The following ZCWPW2 variants were observed in gnomAD, a reference collection of about 807,000 sequenced individuals.
The protein encoded by ZCWPW2 is zinc finger CW-type PWWP domain protein 2.
A neutral mutation model predicts 46.6 loss-of-function variants in ZCWPW2; 45 were observed. The observed-to-expected ratio is 0.96, with a 90% CI of 0.76 to 1.24. The LOEUF (loss-of-function observed/expected upper bound fraction) is 1.24. Among genes scored for constraint, ZCWPW2 ranks in the 50% most tolerant of loss-of-function variants. The pLI, the probability that ZCWPW2 is intolerant of heterozygous loss-of-function variation, is 0.00. For missense variants in ZCWPW2, 429 were observed against 403.9 expected, an observed-to-expected ratio of 1.06 and a Z score of -0.53; for synonymous variants, 152 against 137.1, an observed-to-expected ratio of 1.11 and a Z score of -0.76.
chr3:28,521,095 G>A lies in ZCWPW2; in HGVS notation c.888G>A (p.Glu296=), dbSNP rs1475104945. The A allele has an allele frequency of 3.1e-6, 5 of 1,603,304 alleles. No individual in the cohort carries two copies. In the African/African-American group the frequency reaches 4.0e-5, roughly 13 times the overall value. The change falls in exon 9 of 10, where the codon GAG becomes GAA. Residue 296 remains glutamate, a synonymous_variant. Coordinates refer to ENST00000383768, the MANE Select transcript of ZCWPW2 (RefSeq NM_001040432.4). Reference sequence around the variant, plus strand: ...ATGAATCAGAAGAAGGACATGGAGAGGAAATAAATATGGGAGAAAAGGTAA... The same window carrying A: ...ATGAATCAGAAGAAGGACATGGAGAAGAAATAAATATGGGAGAAAAGGTAA... ...TPDESEEGHG[E]EINMGEKLSK...
intron 9 of ZCWPW2, among the ~76,000 whole-genome samples, chr3:28,522,976 C>T (rs1042113194): frequency 2.0e-5 from 3 of 152,088 alleles, no homozygotes; most frequent in Non-Finnish European, 4.4e-5. Flanking sequence ...ATCTTTATAG[C>T]GATGTCCTGG....
chr3:28,469,363 T>C (rs1469726378), intron 4 of ZCWPW2, among the ~76,000 whole-genome samples: 1 of 152,142 alleles, frequency 6.6e-6, no homozygotes, highest in African/African-American at 2.4e-5. Context: ...AGTAAGTCCT[T>C]TCTTATCGAT....
chr3:28,387,925 A>G (rs1004265160), intron 1 of ZCWPW2, among the ~76,000 whole-genome samples: 6 of 152,286 alleles, frequency 3.9e-5, no homozygotes, highest in African/African-American at 1.4e-4. Flanking sequence ...TCAGGGTTCT[A>G]CAGAGAAACA....
intron 4 of ZCWPW2, among the ~76,000 whole-genome samples, chr3:28,464,652 A>G (rs1188835993): frequency 1.3e-5 from 2 of 152,196 alleles, no homozygotes; most frequent in Non-Finnish European, 2.9e-5. Context: ...GACTCAGAAC[A>G]TAGTGGGGGA....
At chr3:28,471,367 C>T (rs904174390) in intron 4 of ZCWPW2, among the ~76,000 whole-genome samples, 8 of 152,072 alleles carry the variant, frequency 5.3e-5, no homozygotes, top group Admixed American at 5.2e-4. Flanking sequence ...AAAATACTAG[C>T]AAATATAATT....
chr3:28,361,575 AAC>A (rs1704946334), intron 1 of ZCWPW2, among the ~76,000 whole-genome samples: 1 of 152,158 alleles, frequency 6.6e-6, no homozygotes, highest in Non-Finnish European at 1.5e-5. Context: ...CAGCAAAAGA[AAC>A]AACAGAGTGA....
chr3:28,468,290 A>AT (rs982310820), intron 4 of ZCWPW2, among the ~76,000 whole-genome samples: 10 of 152,096 alleles, frequency 6.6e-5, no homozygotes, highest in Admixed American at 3.3e-4. Flanking sequence ...AGAAAAAAAA[A>AT]GAACGAAGCA....
chr3:28,371,968 TTTC>T (rs1705348266), intron 1 of ZCWPW2, among the ~76,000 whole-genome samples: 1 of 143,954 alleles, frequency 6.9e-6, no homozygotes, highest in South Asian at 2.2e-4. Flanking sequence ...TTCCTTCTTC[TTTC>T]CTCCTCCTCC....
intron 2 of ZCWPW2, among the ~76,000 whole-genome samples, chr3:28,405,164 T>A (rs1393865389): frequency 3.9e-5 from 6 of 152,240 alleles, no homozygotes; most frequent in Admixed American, 1.3e-4. Flanking sequence ...TTCCTAAGTC[T>A]CTTTTCAATT....
chr3:28,441,970 G>T (rs1443712586), intron 4 of ZCWPW2, among the ~76,000 whole-genome samples: 2 of 152,188 alleles, frequency 1.3e-5, no homozygotes, highest in African/African-American at 4.8e-5. Context: ...ATTTGGGCCT[G>T]CCAAAGGCTC....
chr3:28,494,748 A>G (rs540813442), intron 6 of ZCWPW2, among the ~76,000 whole-genome samples: 20 of 141,590 alleles, frequency 1.4e-4, no homozygotes, highest in African/African-American at 4.8e-4. Flanking sequence ...TACAAAATCA[A>G]TGTACAAAAA....
At chr3:28,470,825 T>A (rs994612706) in intron 4 of ZCWPW2, among the ~76,000 whole-genome samples, 49 of 151,956 alleles carry the variant, frequency 3.2e-4, no homozygotes, top group African/African-American at 1.1e-3. Context: ...AAACAATTTT[T>A]TTTGAAAAGC....
At chr3:28,467,619 C>A (rs536131373) in intron 4 of ZCWPW2, among the ~76,000 whole-genome samples, 3 of 152,216 alleles carry the variant, frequency 2.0e-5, no homozygotes, top group African/African-American at 4.8e-5. Flanking sequence ...TGTCACCTCA[C>A]CCCCAGCCCC....
chr3:28,383,657 A>T, intron 1 of ZCWPW2, among the ~76,000 whole-genome samples: 1 of 152,002 alleles, frequency 6.6e-6, no homozygotes, highest in Non-Finnish European at 1.5e-5. Context: ...TTAAGTCAAG[A>T]CATTCTAAAT....
In ZCWPW2 at chr3:28,423,924, A is replaced by C. The variant is rs141649094; in HGVS notation, c.332+10524A>C. Among the ~76,000 whole-genome samples, 416 of 151,766 alleles carry C rather than the reference A, an allele frequency of 2.7e-3. 9 individuals carry two copies. In the South Asian group the frequency reaches 0.042, roughly 15 times the overall value. On this transcript the variant is annotated intron_variant, in intron 3 of 9. Coordinates refer to ENST00000383768, the MANE Select transcript of ZCWPW2 (RefSeq NM_001040432.4). Reference sequence around the variant, plus strand: ...TAGTAGTTTGTGCCCATTTGCTCCTATTTTGGTGTTCATGTGGGTAGCTTA... The same window carrying C: ...TAGTAGTTTGTGCCCATTTGCTCCTCTTTTGGTGTTCATGTGGGTAGCTTA...
chr3:28,353,234 T>C (rs1704621224), intron 1 of ZCWPW2, among the ~76,000 whole-genome samples: 3 of 152,202 alleles, frequency 2.0e-5, no homozygotes, highest in Non-Finnish European at 4.4e-5. Flanking sequence ...ATTTGTTATA[T>C]GTTTAATACT....
At chr3:28,452,462 A>G (rs1202947935) in intron 4 of ZCWPW2, among the ~76,000 whole-genome samples, 2 of 151,862 alleles carry the variant, frequency 1.3e-5, no homozygotes, top group African/African-American at 4.8e-5. Flanking sequence ...TGCCTGGCTA[A>G]TTTTTGTAGT....
chr3:28,437,207 A>G (rs1402932734), intron 4 of ZCWPW2, among the ~76,000 whole-genome samples: 1 of 152,236 alleles, frequency 6.6e-6, no homozygotes, highest in African/African-American at 2.4e-5. Context: ...AAGTTGTCTG[A>G]TCACTTTTTC....
At chr3:28,402,699 C>G (rs923734016) in intron 2 of ZCWPW2, among the ~76,000 whole-genome samples, 5 of 152,118 alleles carry the variant, frequency 3.3e-5, no homozygotes, top group Non-Finnish European at 7.4e-5. Context: ...AAAAAATAAT[C>G]TGCCATGATC....
Sources: allele counts gnomAD v4.1 joint callset (sites outside exome capture counted in the v4.1 genomes callset), GRCh38; gene constraint gnomAD v4.1.1; transcripts MANE v1.5; gene names NCBI Gene and HGNC (gene_info 2026-07-23, HGNC 2026-07-21).